KCND2: variants seen among roughly 807,000 people sequenced by gnomAD.
KCND2 encodes A-type voltage-gated potassium channel KCND2.
KCND2 carries 16 observed loss-of-function variants against 54.4 expected under a neutral mutation model. The observed-to-expected ratio is 0.29, with a 90% CI of 0.20 to 0.45. The LOEUF is 0.45. Among genes scored for constraint, KCND2 ranks in the 20% least tolerant of loss-of-function variants. The pLI is 1.00. For synonymous variants in KCND2, 317 were observed against 310.7 expected (o/e 1.02, Z -0.21); for missense variants, 486 against 824.2 (o/e 0.59, Z 5.02).
chr7:120,648,205 A>G (rs1793465709), intron 1 of KCND2, among the ~76,000 whole-genome samples: 1 of 152,196 alleles, frequency 6.6e-6, no homozygotes, highest in South Asian at 2.1e-4. Context: ...GAGACAAAAT[A>G]AATATTTATA....
intron 1 of KCND2, among the ~76,000 whole-genome samples, chr7:120,658,146 G>A (rs1562900965): frequency 6.6e-6 from 1 of 152,070 alleles, no homozygotes; most frequent in African/African-American, 2.4e-5. Context: ...AATTGCACGT[G>A]GGTTCCTGAT....
intron 1 of KCND2, among the ~76,000 whole-genome samples, chr7:120,608,448 T>A (rs539209868): frequency 1.4e-3 from 212 of 152,256 alleles, no homozygotes; most frequent in African/African-American, 4.9e-3. Context: ...ACATTTTCTA[T>A]TTACACTGTC....
chr7:120,747,900 T>C lies in KCND2; in HGVS notation c.*42T>C. On this transcript the variant is annotated 3_prime_UTR_variant, in exon 6 of 6. Transcript: ENST00000331113. ...TCTAAGAGAATTCGAGCCCTGGCTG[T>C]GAAAAGAATCTCAACATAGAAGAAA... 6.9e-7 allele frequency: 1 copy of C among 1,440,756 alleles called. No homozygotes were observed. Among genetic ancestry groups the C allele is most frequent in the East Asian group, 2.3e-5 (1 of 43,476 alleles). 89.2% of individuals were successfully genotyped at this position (1,440,756 alleles called of 1,614,324 possible).
intron 1 of KCND2, among the ~76,000 whole-genome samples, chr7:120,428,176 A>G (rs992078085): frequency 2.0e-5 from 3 of 152,234 alleles, no homozygotes; most frequent in South Asian, 2.1e-4. Context: ...TTAAAAATCA[A>G]TGCTATAATT....
chr7:120,579,134 A>G (rs899300972), intron 1 of KCND2, among the ~76,000 whole-genome samples: 1 of 152,156 alleles, frequency 6.6e-6, no homozygotes, highest in Non-Finnish European at 1.5e-5. Context: ...TTTAACCATA[A>G]TAAACCATAA....
chr7:120,419,078 A>G (rs1801569594), intron 1 of KCND2, among the ~76,000 whole-genome samples: 1 of 152,258 alleles, frequency 6.6e-6, no homozygotes. Flanking sequence ...ATATATATAT[A>G]TAATTGAATA....
intron 1 of KCND2, among the ~76,000 whole-genome samples, chr7:120,673,656 T>A (rs1281147475): frequency 6.6e-6 from 1 of 152,158 alleles, no homozygotes; most frequent in Non-Finnish European, 1.5e-5. Flanking sequence ...CAGAATAAAT[T>A]TAAAATGCAA....
chr7:120,359,398 T>C (rs570840329), intron 1 of KCND2, among the ~76,000 whole-genome samples: 52 of 152,074 alleles, frequency 3.4e-4, no homozygotes, highest in Non-Finnish European at 6.9e-4. Flanking sequence ...CCACCACCGA[T>C]ATGGGTTGCA....
At chr7:120,666,162 G>A (rs1562903157) in intron 1 of KCND2, among the ~76,000 whole-genome samples, 1 of 152,010 alleles carries the variant, frequency 6.6e-6, no homozygotes, top group Non-Finnish European at 1.5e-5. Flanking sequence ...TTACATCATG[G>A]ATCAATCTGG....
intron 1 of KCND2, among the ~76,000 whole-genome samples, chr7:120,382,887 C>T (rs1800933998): frequency 6.6e-6 from 1 of 151,852 alleles, no homozygotes; most frequent in Non-Finnish European, 1.5e-5. Flanking sequence ...CACAATCTTT[C>T]TACTTCTGTT....
At chr7:120,498,759 A>G (rs140116828) in intron 1 of KCND2, among the ~76,000 whole-genome samples, 276 of 152,270 alleles carry the variant, frequency 1.8e-3, no homozygotes, top group African/African-American at 5.8e-3. Context: ...TGGGTGACAG[A>G]GCGAGACTCC....
At chr7:120,401,564 A>G (rs1439912634) in intron 1 of KCND2, among the ~76,000 whole-genome samples, 1 of 152,108 alleles carries the variant, frequency 6.6e-6, no homozygotes, top group Non-Finnish European at 1.5e-5. Flanking sequence ...TTGATGATTG[A>G]CCAGGTATGG....
intron 1 of KCND2, among the ~76,000 whole-genome samples, chr7:120,352,447 TACACACATACATACACAC>T (rs1800425109): frequency 9.0e-6 from 1 of 111,318 alleles, no homozygotes; most frequent in South Asian, 3.5e-4. Context: ...CAAATATATA[TACACACATACATACACAC>T]ACACACACAC....
At chr7:120,705,414 G>A (rs928892591) in intron 1 of KCND2, among the ~76,000 whole-genome samples, 6 of 152,158 alleles carry the variant, frequency 3.9e-5, no homozygotes, top group Non-Finnish European at 8.8e-5. Context: ...AACACACACA[G>A]TTTGCAGTTA....
In KCND2 at chr7:120,515,964, A is replaced by G. The variant is rs145705066; in HGVS notation, c.1116-216939A>G. Among the ~76,000 whole-genome samples, 1,253 of 152,216 alleles carry G rather than the reference A, an allele frequency of 8.2e-3. 9 individuals carry two copies. The highest frequency in any genetic ancestry group is 0.041 in the Middle Eastern group (12 of 294). On this transcript the variant is annotated intron_variant, in intron 1 of 5. Coordinates refer to ENST00000331113, the MANE Select transcript of KCND2 (RefSeq NM_012281.3). The stretch of plus-strand genomic sequence containing the variant: ...GATTTGACCCATGAGAGAATATGTA[A>G]CCAGCACCTTAGCATTTTAATTATA...
chr7:120,713,323 A>G (rs568430299), intron 1 of KCND2, among the ~76,000 whole-genome samples: 45 of 152,252 alleles, frequency 3.0e-4, no homozygotes, highest in African/African-American at 1.0e-3. Flanking sequence ...ACGAACTGGG[A>G]AGTAGGAAGT....
chr7:120,580,066 G>A (rs993905092), intron 1 of KCND2, among the ~76,000 whole-genome samples: 2 of 152,162 alleles, frequency 1.3e-5, no homozygotes, highest in Non-Finnish European at 2.9e-5. Context: ...CATTTCACAT[G>A]AAAATCCCAG....
At chr7:120,439,846 T>G (rs758736940) in intron 1 of KCND2, among the ~76,000 whole-genome samples, 6 of 152,094 alleles carry the variant, frequency 3.9e-5, no homozygotes, top group Non-Finnish European at 8.8e-5. Context: ...TCCATTATTT[T>G]TATGTCTAAA....
intron 1 of KCND2, among the ~76,000 whole-genome samples, chr7:120,504,512 G>A (rs996512897): frequency 6.6e-6 from 1 of 151,550 alleles, no homozygotes; most frequent in African/African-American, 2.4e-5. Flanking sequence ...ATATTTGATG[G>A]CAGTTAATTG....
Sources: allele counts gnomAD v4.1 joint callset (sites outside exome capture counted in the v4.1 genomes callset), GRCh38; gene constraint gnomAD v4.1.1; transcripts MANE v1.5; gene names NCBI Gene and HGNC (gene_info 2026-07-23, HGNC 2026-07-21).